RFX4: variants seen among roughly 807,000 people sequenced by gnomAD.
RFX4 encodes regulatory factor X4.
Under a neutral mutation model 95.0 loss-of-function variants are expected in RFX4, and 10 were observed. The observed-to-expected ratio is 0.11, with a 90% confidence interval of 0.06 to 0.18. RFX4 has a LOEUF of 0.18. Among genes scored for constraint, RFX4 ranks in the 10% least tolerant of loss-of-function variants. The pLI is 1.00. For missense variants in RFX4, 640 were observed against 922.0 expected (o/e 0.69, Z 3.96); for synonymous variants, 321 against 340.7 (o/e 0.94, Z 0.64).
intron 13 of RFX4, among the ~76,000 whole-genome samples, chr12:106,729,168 T>G (rs1180126591): frequency 6.6e-6 from 1 of 152,248 alleles, no homozygotes; most frequent in Non-Finnish European, 1.5e-5. Context: ...AACTACTGGT[T>G]TGGATTTTTA....
At position 106,711,463 on chromosome 12, in the gene RFX4, G is replaced by T. The variant is rs760034161; in HGVS notation, c.945G>T (p.Arg315Ser). ...LRNIKFELSRRFSQILRRQTS... is the reference protein window; with the variant it reads ...LRNIKFELSRSFSQILRRQTS... ...CTTTTCTCCTTGCAGTGTCGAGAAG[G>T]TTCTCCCAAATTCTGAGACGGCAAA... is the stretch of plus-strand genomic sequence containing the variant. The change falls in exon 10 of 18, where the codon AGG becomes AGT. Residue 315 changes from arginine (R) to serine (S), a missense_variant. Physicochemically the swap from Arg to Ser is moderately radical, Grantham distance 110. Transcript: ENST00000392842. 3 of 1,613,704 alleles carry T rather than the reference G, an allele frequency of 1.9e-6. No homozygotes were observed. The highest frequency in any genetic ancestry group is 2.5e-6 in the Non-Finnish European group (3 of 1,179,706).
chr12:106,584,611 G>C (rs1232777953), intron 1 of RFX4, among the ~76,000 whole-genome samples: 1 of 152,212 alleles, frequency 6.6e-6, no homozygotes, highest in Non-Finnish European at 1.5e-5. Context: ...AGGCAGGCTG[G>C]ATATGGAAGT....
intron 4 of RFX4, among the ~76,000 whole-genome samples, chr12:106,672,846 T>C (rs2041313052): frequency 6.6e-6 from 1 of 151,910 alleles, no homozygotes; most frequent in Non-Finnish European, 1.5e-5. Flanking sequence ...GCAGCAGCCC[T>C]TTCTTTGCTC....
intron 4 of RFX4, among the ~76,000 whole-genome samples, chr12:106,678,331 T>C (rs2041437588): frequency 1.3e-5 from 2 of 152,232 alleles, no homozygotes; most frequent in African/African-American, 4.8e-5. Context: ...GGATACCATT[T>C]GGATAAACAC....
At position 106,720,327 on chromosome 12, in the gene RFX4, C is replaced by T. The variant is rs1226973688; in HGVS notation, c.1233+273C>T. 1.3e-5 allele frequency among the ~76,000 whole-genome samples: 2 copies of T among 152,320 alleles called. No individual in the cohort carries two copies. The highest frequency in any genetic ancestry group is 1.5e-5 in the Non-Finnish European group (1 of 68,034). ...TTGCTGCTACAAACAAAACAAAAAC[C>T]ATTGCTCCATAGCATTGACTTTGAA... On this transcript the variant is annotated intron_variant, in intron 12 of 17. Transcript: ENST00000392842. This position sits in a 1 kb window ranked among gnomAD's most constrained non-coding sequence, Gnocchi z 4.2.
chr12:106,648,174 T>C (rs1342043134), intron 3 of RFX4, among the ~76,000 whole-genome samples: 2 of 152,156 alleles, frequency 1.3e-5, no homozygotes, highest in Admixed American at 6.5e-5. Flanking sequence ...GCAGATGGGG[T>C]TGAGTGTGCA....
chr12:106,663,768 T>C (rs992325001), intron 4 of RFX4, among the ~76,000 whole-genome samples: 1 of 151,786 alleles, frequency 6.6e-6, no homozygotes, highest in African/African-American at 2.4e-5. Context: ...TTTTTTTTTT[T>C]CAAATCGTGA....
Position 106,604,115 on chromosome 12 carries a change from C to CTTTTTT in RFX4, c.44-4665_44-4660dup, listed in dbSNP as rs1163891542. Among the ~76,000 whole-genome samples the CTTTTTT allele has an allele frequency of 7.1e-5, 8 of 112,808 alleles. No homozygotes were observed. The South Asian group carries it at 9.6e-4, about 13-fold the overall frequency. The allele number at this position is 112,808 out of a possible 152,430, so 74.0% of individuals were successfully genotyped here. On this transcript the variant is annotated intron_variant, in intron 1 of 17. Transcript: ENST00000392842. Reference sequence around the variant, plus strand: ...GTTTATATCACTACAGCTTCTCTCTCTTTTTTTTTTTTTTTTTTTTTTGAG... The same window carrying CTTTTTT: ...GTTTATATCACTACAGCTTCTCTCTCTTTTTTTTTTTTTTTTTTTTTTTTTTTTGAG...
At chr12:106,620,854 C>T (rs986047717) in intron 2 of RFX4, among the ~76,000 whole-genome samples, 1 of 151,970 alleles carries the variant, frequency 6.6e-6, no homozygotes, top group Non-Finnish European at 1.5e-5. Flanking sequence ...GAATGCATTC[C>T]TTTCCCAAGG....
chr12:106,672,879 G>C (rs1205766782), intron 4 of RFX4, among the ~76,000 whole-genome samples: 1 of 151,986 alleles, frequency 6.6e-6, no homozygotes, highest in Non-Finnish European at 1.5e-5. Flanking sequence ...GTCTTGACCT[G>C]CATTTGGGCA....
rs1206655912 is a variant in RFX4 at position 106,762,426 on chromosome 12, A to T, written c.*957A>T. 1 of 152,628 alleles carries T rather than the reference A, an allele frequency of 6.6e-6. No homozygotes were observed. Among genetic ancestry groups the T allele is most frequent in the East Asian group, 1.9e-4 (1 of 5,192 alleles). The allele number at this position is 152,628 out of a possible 1,614,324, so 9.5% of individuals were successfully genotyped here. ...TAATATCCGACACTTTGATAGAAAA[A>T]AATTCAAAGCTGTGCCTTTGAGCCT... On this transcript the variant is annotated 3_prime_UTR_variant, in exon 18 of 18. Transcript: ENST00000392842.
chr12:106,594,906 G>C (rs1478898118), intron 1 of RFX4, among the ~76,000 whole-genome samples: 1 of 151,644 alleles, frequency 6.6e-6, no homozygotes, highest in Non-Finnish European at 1.5e-5. Context: ...AGAGGGAGGG[G>C]GACCCCAAGG....
At chr12:106,619,574 T>C (rs1013856231) in intron 2 of RFX4, among the ~76,000 whole-genome samples, 1 of 152,204 alleles carries the variant, frequency 6.6e-6, no homozygotes, top group African/African-American at 2.4e-5. Flanking sequence ...TATGGCTTTC[T>C]TGTTTTTATT....
rs951011320 is a variant in RFX4 at position 106,647,902 on chromosome 12, T to C, written c.192-6326T>C. The stretch of plus-strand genomic sequence containing the variant: ...AGTTCAAGTAACGTGCCCCAGGCTA[T>C]ATGCTTGTAAGTGGTGGAGGCAGGA... On this transcript the variant is annotated intron_variant, in intron 3 of 17. Transcript: ENST00000392842. 6.6e-5 allele frequency among the ~76,000 whole-genome samples: 10 copies of C among 152,262 alleles called. No homozygotes were observed. The South Asian group carries it at 8.3e-4, about 13-fold the overall frequency.
chr12:106,589,005 A>C (rs1435151485), intron 1 of RFX4, among the ~76,000 whole-genome samples: 1 of 152,196 alleles, frequency 6.6e-6, no homozygotes, highest in Non-Finnish European at 1.5e-5. Flanking sequence ...CAGGTTCCTG[A>C]GAGCCCATCC....
In RFX4 at chr12:106,762,043, T is replaced by G. The variant is rs2043215126; in HGVS notation, c.*574T>G. The G allele has an allele frequency of 6.5e-6, 1 of 152,712 alleles. No individual in the cohort carries two copies. Among genetic ancestry groups the G allele is most frequent in the South Asian group, 2.1e-4 (1 of 4,828 alleles). The allele number at this position is 152,712 out of a possible 1,614,324, so 9.5% of individuals were successfully genotyped here. ...GCTAAATGGGGAGCTATCTGGAAAC[T>G]CTAGATTTTCTGTCATACCCACATC... On this transcript the variant is annotated 3_prime_UTR_variant, in exon 18 of 18. Transcript: ENST00000392842.
intron 4 of RFX4, among the ~76,000 whole-genome samples, chr12:106,673,916 A>C (rs1000745084): frequency 6.6e-6 from 1 of 152,124 alleles, no homozygotes. Flanking sequence ...CCTTGCCCCT[A>C]AGTCAGTTCT....
intron 4 of RFX4, among the ~76,000 whole-genome samples, chr12:106,658,938 GC>G (rs768750057): frequency 3.9e-5 from 6 of 152,142 alleles, no homozygotes; most frequent in Non-Finnish European, 7.3e-5. Context: ...TCTTAGAGAT[GC>G]CCAGAGGAGC....
chr12:106,616,392 G>T (rs1417930779), intron 2 of RFX4, among the ~76,000 whole-genome samples: 2 of 151,938 alleles, frequency 1.3e-5, no homozygotes, highest in East Asian at 1.9e-4. Flanking sequence ...AAGGATTTTG[G>T]CATCTATGTT....
Sources: gnomAD v4.1 joint callset for allele counts (sites outside exome capture counted in the v4.1 genomes callset) on GRCh38, gnomAD v4.1.1 for gene constraint, Gnocchi (gnomAD v3.1) non-coding constraint, MANE v1.5 for transcripts, NCBI Gene and HGNC (gene_info 2026-07-23, HGNC 2026-07-21) for gene names.